The following NMT2 variants were observed in gnomAD, a reference collection of about 807,000 sequenced individuals.
The protein encoded by NMT2 is glycylpeptide N-tetradecanoyltransferase 2.
NMT2 carries 35 observed loss-of-function variants against 65.4 expected under a neutral mutation model. The ratio of observed to expected loss-of-function variants is 0.54; its 90% CI spans 0.41 to 0.71. The LOEUF (loss-of-function observed/expected upper bound fraction) is 0.71, where lower values mean the gene tolerates loss of function less well. Ranked by LOEUF, NMT2 falls within the 30% of genes least tolerant of loss-of-function variation. The pLI is 0.00. For synonymous variants in NMT2, 226 were observed against 231.8 expected, an observed-to-expected ratio of 0.98 and a Z score of 0.23; for missense variants, 489 against 611.3, an observed-to-expected ratio of 0.80 and a Z score of 2.11.
chr10:15,110,529 C>A (rs1045233036), intron 10 of NMT2, among the ~76,000 whole-genome samples: 1 of 152,118 alleles, frequency 6.6e-6, no homozygotes, highest in South Asian at 2.1e-4. Flanking sequence ...GACCCAGCTA[C>A]ACAGGAGGCT....
intron 10 of NMT2, among the ~76,000 whole-genome samples, chr10:15,110,953 G>A (rs12219877): frequency 0.062 from 9,417 of 151,952 alleles, 323 homozygotes; most frequent in East Asian, 0.095. Flanking sequence ...TCCATGCCCA[G>A]CTAATTTCTT....
In NMT2 at chr10:15,161,081, C is replaced by CAAAAAAAAAAAAAAAAA. The variant is rs750859200; in HGVS notation, c.110+7405_110+7421dup. 3.1e-3 allele frequency among the ~76,000 whole-genome samples: 60 copies of CAAAAAAAAAAAAAAAAA among 19,282 alleles called. 2 individuals are homozygous for CAAAAAAAAAAAAAAAAA. Among genetic ancestry groups the CAAAAAAAAAAAAAAAAA allele is most frequent in the South Asian group, 7.6e-3 (1 of 132 alleles). The allele number at this position is 19,282 out of a possible 152,430, so 12.6% of individuals were successfully genotyped here. A position where few individuals can be genotyped will look rare whatever the true frequency, so the allele number is the denominator to read the frequency against. On this transcript the variant is annotated intron_variant, in intron 1 of 11. Coordinates refer to ENST00000378165, the MANE Select transcript of NMT2 (RefSeq NM_004808.3). ...CAGAGCGAGACTCTGCCTCAAAAATCAAAAAAAAAAAAAAAAAAAAAAAAA... is the reference window on the plus strand; with the variant it reads ...CAGAGCGAGACTCTGCCTCAAAAATCAAAAAAAAAAAAAAAAAAAAAAAAAAAAAAAAAAAAAAAAAA...
In NMT2 at chr10:15,108,455, G is replaced by T. The variant is rs184121254; in HGVS notation, c.*740C>A. The T allele has an allele frequency of 9.3e-6, 9 of 965,600 alleles. No individual in the cohort carries two copies. In the African/African-American group the frequency reaches 1.6e-4, roughly 17 times the overall value. 59.8% of individuals were successfully genotyped at this position (965,600 alleles called of 1,614,324 possible). A position where few individuals can be genotyped will look rare whatever the true frequency, so the allele number is the denominator to read the frequency against. ...CCACCTTGGCCTCCCAAAGTGCTGG[G>T]ATTACAGGCGTGAGCCACCACGCCC... On this transcript the variant is annotated 3_prime_UTR_variant, in exon 12 of 12. Transcript: ENST00000378165.
chr10:15,126,530 T>C (rs1383373217), intron 8 of NMT2, among the ~76,000 whole-genome samples: 1 of 152,144 alleles, frequency 6.6e-6, no homozygotes, highest in Non-Finnish European at 1.5e-5. Context: ...ATCCTCTCTA[T>C]AGACTCTCTC....
chr10:15,133,882 C>G (rs1477875531), intron 3 of NMT2, among the ~76,000 whole-genome samples: 1 of 152,232 alleles, frequency 6.6e-6, no homozygotes, highest in African/African-American at 2.4e-5. Context: ...GCCACCACAG[C>G]TGGCCTATTT....
chr10:15,133,336 A>T lies in NMT2; in HGVS notation c.419T>A (p.Ile140Asn). 6.2e-7 allele frequency: 1 copy of T among 1,613,918 alleles called. No individual in the cohort carries two copies. The highest frequency in any genetic ancestry group is 8.5e-7 in the Non-Finnish European group (1 of 1,179,772). ...LDEVITSHGA[I>N]EPDKDNVRQE... ...GCGTACGTTGTCTTTATCTGGTTCA[A>T]TTGCACCATGAGATGTTATGACTTC... The change falls in exon 4 of 12, where the codon ATT becomes AAT. Residue 140 changes from isoleucine (I) to asparagine (N), a missense_variant. Transcript: ENST00000378165.
At chr10:15,137,938 T>C (rs747299605) in intron 2 of NMT2, among the ~76,000 whole-genome samples, 1 of 152,056 alleles carries the variant, frequency 6.6e-6, no homozygotes, top group Non-Finnish European at 1.5e-5. Context: ...CTACATGAAA[T>C]GTCCCTTTGC....
chr10:15,116,018 A>G (rs1845732347), intron 9 of NMT2, among the ~76,000 whole-genome samples: 1 of 152,244 alleles, frequency 6.6e-6, no homozygotes, highest in African/African-American at 2.4e-5. Context: ...ATCAAGTGAT[A>G]GAACTGCTAG....
At chr10:15,133,181 A>C (rs760063121) in intron 4 of NMT2, 37 bp from the exon 5 acceptor site, 1 of 1,603,018 alleles carries the variant, frequency 6.2e-7, no homozygotes, top group Non-Finnish European at 8.5e-7. Context: ...CATGGTGCTC[A>C]GAATCAACTT....
intron 1 of NMT2, among the ~76,000 whole-genome samples, chr10:15,151,066 T>TTTTTTC (rs1832785232): frequency 6.6e-6 from 1 of 151,832 alleles, no homozygotes; most frequent in African/African-American, 2.4e-5. Context: ...CTCCTTTTTT[T>TTTTTTC]TTTTTTTTGG....
chr10:15,159,493 G>A (rs1289762447), intron 1 of NMT2, among the ~76,000 whole-genome samples: 1 of 151,968 alleles, frequency 6.6e-6, no homozygotes, highest in African/African-American at 2.4e-5. Context: ...GCTCACTGCA[G>A]TATGTGCTTA....
At chr10:15,161,094 A>AAAAAAAAAAAAAAAAAC (rs1833176681) in intron 1 of NMT2, among the ~76,000 whole-genome samples, 2 of 147,230 alleles carry the variant, frequency 1.4e-5, no homozygotes, top group Non-Finnish European at 3.0e-5. Context: ...AAAAAAAAAA[A>AAAAAAAAAAAAAAAAAC]AAAAAAAAAA....
Position 15,140,889 on chromosome 10 carries a change from A to T in NMT2, c.246+533T>A, listed in dbSNP as rs1345500562. On this transcript the variant is annotated intron_variant, in intron 2 of 11. Transcript: ENST00000378165. ...AGCTGGACAACTTCTGGTTTGGTTTAAACTAGGAGAATGTCAGGAACTATT... is the reference window on the plus strand; with the variant it reads ...AGCTGGACAACTTCTGGTTTGGTTTTAACTAGGAGAATGTCAGGAACTATT... 43 of 1,180,896 alleles carry T rather than the reference A, an allele frequency of 3.6e-5. No individual in the cohort carries two copies. In the South Asian group the frequency reaches 5.5e-4, roughly 15 times the overall value. The allele number at this position is 1,180,896 out of a possible 1,614,324, so 73.2% of individuals were successfully genotyped here. A position where few individuals can be genotyped will look rare whatever the true frequency, so the allele number is the denominator to read the frequency against.
At chr10:15,151,673 A>T (rs1013532837) in intron 1 of NMT2, among the ~76,000 whole-genome samples, 1 of 152,252 alleles carries the variant, frequency 6.6e-6, no homozygotes, top group African/African-American at 2.4e-5. Context: ...TCCGTGGCTT[A>T]TGAGCCTCGA....
rs972991933 is a variant in NMT2 at position 15,161,110 on chromosome 10, A to C, written c.110+7393T>G. On this transcript the variant is annotated intron_variant, in intron 1 of 11. Transcript: ENST00000378165. ...AAAAAAAAAAAAAAAAAAAAAAAAA[A>C]CACAAAGAAAACAACATCTGTACCA... Among the ~76,000 whole-genome samples, 27 of 140,112 alleles carry C rather than the reference A, an allele frequency of 1.9e-4. 1 individual carries two copies. The highest frequency in any genetic ancestry group is 3.5e-4 in the African/African-American group (13 of 37,068). 91.9% of individuals were successfully genotyped at this position (140,112 alleles called of 152,430 possible).
intron 3 of NMT2, among the ~76,000 whole-genome samples, chr10:15,134,442 G>A (rs72776108): frequency 3.5e-3 from 529 of 152,254 alleles, no homozygotes; most frequent in Non-Finnish European, 5.2e-3. Context: ...TGGAATTCCC[G>A]ACAGAAGCTT....
At chr10:15,109,980 A>G (rs1845452125) in intron 10 of NMT2, 141 bp from the exon 11 acceptor site, 2 of 656,334 alleles carry the variant, frequency 3.0e-6, no homozygotes, top group Non-Finnish European at 4.9e-6. Context: ...AGCATAGGTT[A>G]AGAATTCAGG....
At chr10:15,149,287 C>A (rs1357003537) in intron 1 of NMT2, among the ~76,000 whole-genome samples, 1 of 151,732 alleles carries the variant, frequency 6.6e-6, no homozygotes, top group East Asian at 1.9e-4. Context: ...GCCATCACCA[C>A]CATCACTGCC....
intron 1 of NMT2, among the ~76,000 whole-genome samples, chr10:15,159,042 T>C (rs1403711417): frequency 6.6e-6 from 1 of 152,232 alleles, no homozygotes; most frequent in Non-Finnish European, 1.5e-5. Flanking sequence ...TGTCCTTCCC[T>C]GAAAACTCCC....
Sources: allele counts gnomAD v4.1 joint callset (sites outside exome capture counted in the v4.1 genomes callset), GRCh38; gene constraint gnomAD v4.1.1; transcripts MANE v1.5; gene names NCBI Gene and HGNC (gene_info 2026-07-23, HGNC 2026-07-21).